Variants in IRAG1 observed in about 807,000 individuals in gnomAD.
IRAG1 encodes the protein inositol 1,4,5-triphosphate receptor associated 1.
Under a neutral mutation model 106.2 loss-of-function variants are expected in IRAG1, and 62 were observed. The ratio of observed to expected loss-of-function variants is 0.58; its 90% CI spans 0.48 to 0.72. IRAG1 has a LOEUF of 0.72. Ranked by LOEUF, IRAG1 falls within the 30% of genes least tolerant of loss-of-function variation. The pLI, the probability that IRAG1 is intolerant of heterozygous loss-of-function variation, is 0.00. For missense variants in IRAG1, 1,064 were observed against 1,140.7 expected (o/e 0.93, Z 0.97); for synonymous variants, 462 against 443.9 (o/e 1.04, Z -0.51).
rs575110612 is a variant in IRAG1, at chr11:10,659,993, G to C, written c.68-7811C>G. Among the ~76,000 whole-genome samples the C allele has an allele frequency of 1.3e-5, 2 of 152,166 alleles. No homozygotes were observed. Among genetic ancestry groups the C allele is most frequent in the African/African-American group, 4.8e-5 (2 of 41,426 alleles). On this transcript the variant is annotated intron_variant, in intron 1 of 20. Transcript: ENST00000423302. This position sits in a 1 kb window ranked among gnomAD's most constrained non-coding sequence, Gnocchi z 4.1. Reference sequence around the variant, plus strand: ...ATCCCATAAAGGGCAGGGCACCGAGGGGTCTCCAGGAAGACATGGAGGATC... The same window carrying C: ...ATCCCATAAAGGGCAGGGCACCGAGCGGTCTCCAGGAAGACATGGAGGATC...
intron 17 of IRAG1, among the ~76,000 whole-genome samples, chr11:10,591,860 A>C (rs950815801): frequency 1.3e-5 from 2 of 152,122 alleles, no homozygotes; most frequent in African/African-American, 4.8e-5. Flanking sequence ...CCTTAAGTGA[A>C]GAGGAAAGTT....
At chr11:10,612,298 CA>C (rs1345606280) in intron 10 of IRAG1, among the ~76,000 whole-genome samples, 1 of 152,186 alleles carries the variant, frequency 6.6e-6, no homozygotes, top group Non-Finnish European at 1.5e-5. Context: ...CACTACTAAC[CA>C]CCTCCAAAGG....
Position 10,687,876 on chromosome 11 carries a change from T to TGGGG in IRAG1, c.67+5656_67+5659dup, listed in dbSNP as rs397812916. 7.3e-6 allele frequency: 7 copies of TGGGG among 964,116 alleles called. No homozygotes were observed. The African/African-American group carries it at 9.4e-5, about 13-fold the overall frequency. 59.7% of individuals were successfully genotyped at this position (964,116 alleles called of 1,614,324 possible). On this transcript the variant is annotated intron_variant, in intron 1 of 20. Transcript: ENST00000423302. ...TAAGGGATTTAGCTTTGCTTTTTTT[T>TGGGG]GGGGGGGGGTGGTATTTAACTTTGT... is the stretch of plus-strand genomic sequence containing the variant.
At chr11:10,584,529 GAAAGTAATTCTTT>G (rs1483259423) in intron 18 of IRAG1, among the ~76,000 whole-genome samples, 7 of 135,570 alleles carry the variant, frequency 5.2e-5, no homozygotes, top group African/African-American at 1.8e-4. Context: ...CAAGGGCAGG[GAAAGTAATTCTTT>G]CATGAAATAT....
chr11:10,642,310 C>A (rs901397896), intron 2 of IRAG1, among the ~76,000 whole-genome samples: 1 of 152,210 alleles, frequency 6.6e-6, no homozygotes, highest in Non-Finnish European at 1.5e-5. Context: ...CTCATAGATT[C>A]TCAGGAATGC....
intron 10 of IRAG1, among the ~76,000 whole-genome samples, chr11:10,615,507 C>T (rs1855322761): frequency 6.6e-6 from 1 of 152,104 alleles, no homozygotes; most frequent in South Asian, 2.1e-4. Context: ...GCACTATTCA[C>T]AATAGCAAAG....
intron 1 of IRAG1, among the ~76,000 whole-genome samples, chr11:10,677,913 G>GTCTTTC (rs1860819864): frequency 6.6e-6 from 1 of 152,200 alleles, no homozygotes; most frequent in Non-Finnish European, 1.5e-5. Flanking sequence ...CTTTCACTTA[G>GTCTTTC]ATAATGTTTT....
At chr11:10,586,126 T>C (rs1394207464) in intron 18 of IRAG1, 1 of 151,638 alleles carries the variant, frequency 6.6e-6, no homozygotes, top group African/African-American at 2.4e-5. Context: ...TTGTCTACAG[T>C]GTAAGTGGCT....
chr11:10,675,804 T>TA (rs1860608884), intron 1 of IRAG1, among the ~76,000 whole-genome samples: 4 of 152,178 alleles, frequency 2.6e-5, no homozygotes, highest in Non-Finnish European at 2.9e-5. Flanking sequence ...CGGTCTTTAC[T>TA]AAGTTTGTCT....
At chr11:10,682,521 T>C (rs1464356029) in intron 1 of IRAG1, among the ~76,000 whole-genome samples, 1 of 152,102 alleles carries the variant, frequency 6.6e-6, no homozygotes, top group Non-Finnish European at 1.5e-5. Flanking sequence ...TCTGATAAGG[T>C]CTGTGAACCC....
chr11:10,598,561 A>G (rs1168567217), intron 15 of IRAG1, among the ~76,000 whole-genome samples: 1 of 152,254 alleles, frequency 6.6e-6, no homozygotes, highest in African/African-American at 2.4e-5. Flanking sequence ...CAAGAAATAC[A>G]ATTAAAACAA....
chr11:10,617,110 G>A (rs1855495428), intron 10 of IRAG1: 5 of 985,360 alleles, frequency 5.1e-6, no homozygotes, highest in African/African-American at 3.5e-5. Context: ...GGGGGTTTTG[G>A]AAGGACTGTC....
intron 1 of IRAG1, among the ~76,000 whole-genome samples, chr11:10,667,379 T>C (rs1245467869): frequency 1.3e-5 from 2 of 152,144 alleles, no homozygotes; most frequent in Non-Finnish European, 2.9e-5. Flanking sequence ...TTGGGACTGG[T>C]TGGGAGCAGC....
At position 10,588,653 on chromosome 11, in the gene IRAG1, G is replaced by A. The variant is rs546659878; in HGVS notation, c.2240+2895C>T. ...GGCGTGAGCCACTGCCCAGCCAAGG[G>A]GAATCATTTTCTAAGCTCTCTCTTC... On this transcript the variant is annotated intron_variant, in intron 18 of 20. Coordinates refer to ENST00000423302, the MANE Select transcript of IRAG1 (RefSeq NM_130385.4). Among the ~76,000 whole-genome samples the A allele has an allele frequency of 3.3e-5, 5 of 152,228 alleles. No homozygotes were observed. The South Asian group carries it at 1.0e-3, about 32-fold the overall frequency.
chr11:10,607,535 T>C (rs1042621714), intron 11 of IRAG1, among the ~76,000 whole-genome samples: 9 of 152,236 alleles, frequency 5.9e-5, no homozygotes, highest in Admixed American at 2.0e-4. Flanking sequence ...CTGCTGCTCT[T>C]GCTGGTAACT....
At chr11:10,684,588 C>T (rs1295261446) in intron 1 of IRAG1, among the ~76,000 whole-genome samples, 1 of 142,696 alleles carries the variant, frequency 7.0e-6, no homozygotes, top group African/African-American at 2.6e-5. Context: ...ACACATGTAC[C>T]CTAAAACTTA....
intron 1 of IRAG1, among the ~76,000 whole-genome samples, chr11:10,660,809 A>T (rs1359172580): frequency 6.6e-6 from 1 of 152,098 alleles, no homozygotes; most frequent in Non-Finnish European, 1.5e-5. Flanking sequence ...ACAAACCTAG[A>T]AGTCACCGTG....
intron 2 of IRAG1, among the ~76,000 whole-genome samples, chr11:10,646,214 A>C (rs1257710464): frequency 6.6e-6 from 1 of 152,220 alleles, no homozygotes; most frequent in Non-Finnish European, 1.5e-5. Flanking sequence ...GTAAGCCAGG[A>C]TAGGCCTCCT....
intron 1 of IRAG1, among the ~76,000 whole-genome samples, chr11:10,653,473 G>C (rs956063752): frequency 6.6e-6 from 1 of 152,148 alleles, no homozygotes; most frequent in African/African-American, 2.4e-5. Flanking sequence ...ACAGACCTGA[G>C]CCAATGGGTC....
Sources: allele counts gnomAD v4.1 joint callset (sites outside exome capture counted in the v4.1 genomes callset), GRCh38; gene constraint gnomAD v4.1.1; non-coding constraint Gnocchi (gnomAD v3.1); transcripts MANE v1.5; gene names NCBI Gene and HGNC (gene_info 2026-07-23, HGNC 2026-07-21).